MALRD1: variants seen among roughly 807,000 people sequenced by gnomAD.
MALRD1 encodes MAM and LDL receptor class A domain containing 1.
In MALRD1, 247 loss-of-function variants were observed where a neutral mutation model predicts 242.1. The observed-to-expected ratio is 1.02, with a 90% CI of 0.92 to 1.13. The LOEUF is 1.13. Among genes scored for constraint, MALRD1 ranks in the 50% most tolerant of loss-of-function variants. The pLI, the probability that MALRD1 is intolerant of heterozygous loss-of-function variation, is 0.00. For missense variants in MALRD1, 2,989 were observed against 2,533.1 expected, an observed-to-expected ratio of 1.18 and a Z score of -3.86; for synonymous variants, 995 against 866.6, an observed-to-expected ratio of 1.15 and a Z score of -2.60.
At chr10:19,123,305 A>G (rs12258330) in intron 5 of MALRD1, among the ~76,000 whole-genome samples, 187 bp from the exon 6 acceptor site, 2,442 of 149,964 alleles carry the variant, frequency 0.016, 59 homozygotes, top group African/African-American at 0.056. Flanking sequence ...AGTGGTGTGT[A>G]TGTGTGTGTG....
chr10:19,472,586 A>G (rs1836548414), intron 29 of MALRD1, among the ~76,000 whole-genome samples: 1 of 151,840 alleles, frequency 6.6e-6, no homozygotes, highest in Admixed American at 6.6e-5. Context: ...TTTACTCATT[A>G]TTGGTCTGTT....
chr10:19,328,081 T>G (rs1843211443), intron 23 of MALRD1, among the ~76,000 whole-genome samples: 1 of 152,126 alleles, frequency 6.6e-6, no homozygotes, highest in Non-Finnish European at 1.5e-5. Context: ...GGGAATAGAT[T>G]CACCTAATTT....
chr10:19,419,848 A>T (rs1833652475), intron 28 of MALRD1, among the ~76,000 whole-genome samples: 1 of 152,164 alleles, frequency 6.6e-6, no homozygotes, highest in South Asian at 2.1e-4. Context: ...GGCATGATAA[A>T]TGTTTATTGA....
intron 27 of MALRD1, among the ~76,000 whole-genome samples, chr10:19,388,332 C>T (rs763134445): frequency 6.6e-6 from 1 of 152,248 alleles, no homozygotes; most frequent in African/African-American, 2.4e-5. Context: ...AAGGAGAAAA[C>T]ACAATTCAAA....
chr10:19,407,223 A>T (rs967063850), intron 28 of MALRD1, among the ~76,000 whole-genome samples: 2 of 152,162 alleles, frequency 1.3e-5, no homozygotes, highest in Non-Finnish European at 2.9e-5. Context: ...TAATCCCAGC[A>T]TTTTGGGAAG....
chr10:19,568,366 G>GTTT (rs1554802444), intron 33 of MALRD1, among the ~76,000 whole-genome samples: 19 of 151,888 alleles, frequency 1.3e-4, no homozygotes, highest in South Asian at 4.1e-4. Flanking sequence ...TGTTGTTGTT[G>GTTT]TTGTTTTTTC....
At chr10:19,224,091 A>G (rs1588721191) in intron 18 of MALRD1, among the ~76,000 whole-genome samples, 1 of 152,172 alleles carries the variant, frequency 6.6e-6, no homozygotes, top group Middle Eastern at 3.4e-3. Context: ...GTCAAATGGT[A>G]TTTCTAGTTC....
chr10:19,561,003 C>T (rs971428617), intron 32 of MALRD1, among the ~76,000 whole-genome samples: 4 of 151,896 alleles, frequency 2.6e-5, no homozygotes, highest in Non-Finnish European at 4.4e-5. Context: ...AAATAATTTC[C>T]TGACTATGCA....
intron 17 of MALRD1, among the ~76,000 whole-genome samples, chr10:19,208,611 A>G (rs1394836182): frequency 6.6e-6 from 1 of 152,172 alleles, no homozygotes; most frequent in Non-Finnish European, 1.5e-5. Flanking sequence ...TCAGGAAAAC[A>G]TCTACATCAG....
chr10:19,320,859 G>A (rs534906440), intron 21 of MALRD1, among the ~76,000 whole-genome samples: 2 of 152,064 alleles, frequency 1.3e-5, no homozygotes, highest in African/African-American at 4.8e-5. Flanking sequence ...TTTGTTGGCT[G>A]CATAAATGTC....
At chr10:19,228,870 T>C (rs1837912529) in intron 18 of MALRD1, among the ~76,000 whole-genome samples, 1 of 152,122 alleles carries the variant, frequency 6.6e-6, no homozygotes, top group Admixed American at 6.6e-5. Context: ...AGGCACGTAG[T>C]TTTGCAACAT....
intron 24 of MALRD1, among the ~76,000 whole-genome samples, chr10:19,338,459 A>G (rs1588933588): frequency 6.8e-6 from 1 of 146,278 alleles, no homozygotes; most frequent in Non-Finnish European, 1.5e-5. Flanking sequence ...TTCAATTAAT[A>G]ATGGATGTGA....
At chr10:19,287,572 C>T (rs1396738621) in intron 21 of MALRD1, among the ~76,000 whole-genome samples, 1 of 151,954 alleles carries the variant, frequency 6.6e-6, no homozygotes, top group African/African-American at 2.4e-5. Flanking sequence ...GTTTTATGAT[C>T]TTAATGTTCT....
intron 11 of MALRD1, among the ~76,000 whole-genome samples, chr10:19,150,839 T>C (rs1401060100): frequency 1.3e-5 from 2 of 152,226 alleles, no homozygotes; most frequent in African/African-American, 4.8e-5. Flanking sequence ...ATAATGTATC[T>C]AGCTGTTCCC....
rs183635777 is a variant in MALRD1, at chr10:19,625,615, A to T, written c.6137+9692A>T. Among the ~76,000 whole-genome samples the T allele has an allele frequency of 2.3e-4, 35 of 152,194 alleles. No homozygotes were observed. The East Asian group carries it at 5.8e-3, about 25-fold the overall frequency. ...ACTCCATGACTTAAAAAAATGACCTAAGCTCTCTCTAAGGCCGAAGATGAA... is the reference window on the plus strand; with the variant it reads ...ACTCCATGACTTAAAAAAATGACCTTAGCTCTCTCTAAGGCCGAAGATGAA... On this transcript the variant is annotated intron_variant, in intron 36 of 39. Coordinates refer to ENST00000454679, the MANE Select transcript of MALRD1 (RefSeq NM_001142308.3).
chr10:19,259,638 A>T (rs1273790019), intron 19 of MALRD1, among the ~76,000 whole-genome samples: 1 of 152,176 alleles, frequency 6.6e-6, no homozygotes, highest in Non-Finnish European at 1.5e-5. Flanking sequence ...TGGGAATTAT[A>T]GGAGCCATAA....
Position 19,123,567 on chromosome 10 carries a change from T to A in MALRD1, c.770T>A (p.Phe257Tyr). 8.1e-7 allele frequency: 1 copy of A among 1,233,524 alleles called. No homozygotes were observed. The highest frequency in any genetic ancestry group is 1.0e-6 in the Non-Finnish European group (1 of 987,824). The allele number at this position is 1,233,524 out of a possible 1,614,324, so 76.4% of individuals were successfully genotyped here. Residue 257 changes from phenylalanine (F) to tyrosine (Y), a missense_variant, in exon 6 of 40, where the codon TTT becomes TAT. By Grantham distance (22) the Phe-to-Tyr change is conservative (BLOSUM62 3). Transcript: ENST00000454679. The stretch of plus-strand genomic sequence containing the variant: ...CATCCAGATACAGATCTCTGCAGAT[T>A]TGATGCTACAGATGAAGAGTTGAGA... ...LCHPDTDLCR[F>Y]DATDEELRLC...
chr10:19,603,155 C>T (rs535137092), intron 34 of MALRD1, among the ~76,000 whole-genome samples: 6 of 152,250 alleles, frequency 3.9e-5, no homozygotes, highest in African/African-American at 1.2e-4. Flanking sequence ...CCTGTTCACT[C>T]TGATGGTAAT....
intron 8 of MALRD1, among the ~76,000 whole-genome samples, chr10:19,129,413 A>G (rs912796752): frequency 1.3e-5 from 2 of 152,134 alleles, no homozygotes; most frequent in African/African-American, 4.8e-5. Context: ...CTTCTCTTCC[A>G]TGCATTCCCA....
Sources: gnomAD v4.1 joint callset for allele counts (sites outside exome capture counted in the v4.1 genomes callset) on GRCh38, gnomAD v4.1.1 for gene constraint, MANE v1.5 for transcripts, NCBI Gene and HGNC (gene_info 2026-07-23, HGNC 2026-07-21) for gene names.